NEGR1: variants seen among roughly 807,000 people sequenced by gnomAD.
The protein encoded by NEGR1 is IgLON family member 4.
NEGR1 carries 10 observed loss-of-function variants against 40.9 expected under a neutral mutation model. That is an observed-to-expected ratio of 0.24 (90% confidence interval 0.15 to 0.42). The LOEUF (loss-of-function observed/expected upper bound fraction) is 0.42. Ranked by LOEUF, NEGR1 falls within the 10% of genes least tolerant of loss-of-function variation. NEGR1 has a pLI of 1.00. For synonymous variants in NEGR1, 185 were observed against 166.8 expected (o/e 1.11, Z -0.84); for missense variants, 352 against 438.9 (o/e 0.80, Z 1.77).
intron 1 of NEGR1, among the ~76,000 whole-genome samples, chr1:72,128,896 A>C (rs867927861): frequency 3.9e-5 from 6 of 152,196 alleles, no homozygotes; most frequent in South Asian, 2.1e-4. Context: ...TAAATGGAAC[A>C]AAAAAGAGAA....
chr1:71,511,031 G>T (rs563250238), intron 6 of NEGR1, among the ~76,000 whole-genome samples: 58 of 152,266 alleles, frequency 3.8e-4, no homozygotes, highest in African/African-American at 1.3e-3. Context: ...CTAAGTCTAG[G>T]GCAGACTTCC....
intron 1 of NEGR1, among the ~76,000 whole-genome samples, chr1:72,240,547 C>T (rs1454367095): frequency 6.6e-6 from 1 of 151,732 alleles, no homozygotes; most frequent in Non-Finnish European, 1.5e-5. Context: ...TTGGCTACAC[C>T]AGTATGACCC....
At chr1:72,264,870 C>G (rs1655588819) in intron 1 of NEGR1, among the ~76,000 whole-genome samples, 1 of 150,024 alleles carries the variant, frequency 6.7e-6, no homozygotes, top group African/African-American at 2.4e-5. Context: ...AAATAATGTA[C>G]CAAAGTTTAA....
chr1:71,942,521 AGACGGAG>A (rs1645975335), intron 1 of NEGR1, among the ~76,000 whole-genome samples: 1 of 25,654 alleles, frequency 3.9e-5, no homozygotes, highest in Non-Finnish European at 7.1e-5. Context: ...TTTTTTTTTG[AGACGGAG>A]TCTCGCTCTG....
chr1:72,035,386 G>A (rs1398670409), intron 1 of NEGR1, among the ~76,000 whole-genome samples: 1 of 152,070 alleles, frequency 6.6e-6, no homozygotes, highest in Non-Finnish European at 1.5e-5. Context: ...CGTTTCAACC[G>A]GATTGGGATT....
chr1:72,133,296 T>C (rs1272791727), intron 1 of NEGR1, among the ~76,000 whole-genome samples: 1 of 152,130 alleles, frequency 6.6e-6, no homozygotes, highest in Non-Finnish European at 1.5e-5. Context: ...GGTGAATTGC[T>C]AAATTTACTT....
intron 2 of NEGR1, among the ~76,000 whole-genome samples, chr1:71,927,641 C>T (rs1159836431): frequency 6.6e-6 from 1 of 151,216 alleles, no homozygotes; most frequent in Admixed American, 6.6e-5. Flanking sequence ...TCATATAGTT[C>T]AACAGATTAA....
At position 71,710,081 on chromosome 1, in the gene NEGR1, C is replaced by T. The variant is rs562293109; in HGVS notation, c.536-11942G>A. 8.5e-4 allele frequency among the ~76,000 whole-genome samples: 130 copies of T among 152,274 alleles called. 3 individuals carry two copies. The highest frequency in any genetic ancestry group is 7.9e-3 in the Admixed American group (121 of 15,308). Reference sequence around the variant, plus strand: ...ATCTGATGAAAAAATAAGCAACATACTTGAATAGACATTTCTCAAAAGAAG... The same window carrying T: ...ATCTGATGAAAAAATAAGCAACATATTTGAATAGACATTTCTCAAAAGAAG... On this transcript the variant is annotated intron_variant, in intron 3 of 6. Coordinates refer to ENST00000357731, the MANE Select transcript of NEGR1 (RefSeq NM_173808.3).
At chr1:71,959,238 T>C (rs1303115790) in intron 1 of NEGR1, among the ~76,000 whole-genome samples, 1 of 152,120 alleles carries the variant, frequency 6.6e-6, no homozygotes, top group Non-Finnish European at 1.5e-5. Context: ...ATCCCTCCCT[T>C]GAATTCCAGA....
intron 1 of NEGR1, among the ~76,000 whole-genome samples, chr1:72,124,660 T>C (rs536440898): frequency 2.6e-4 from 40 of 152,066 alleles, no homozygotes; most frequent in Non-Finnish European, 5.4e-4. Flanking sequence ...ATCCACACTA[T>C]GTTAGGTTAA....
intron 1 of NEGR1, among the ~76,000 whole-genome samples, chr1:71,957,155 C>CA (rs141268717): frequency 0.023 from 3,490 of 152,000 alleles, 122 homozygotes; most frequent in African/African-American, 0.079. Context: ...TTCCATGGAG[C>CA]AAAAAAGATG....
intron 1 of NEGR1, among the ~76,000 whole-genome samples, chr1:72,200,998 C>A (rs1653185272): frequency 6.6e-6 from 1 of 151,754 alleles, no homozygotes; most frequent in Non-Finnish European, 1.5e-5. Context: ...TCCTTATATA[C>A]TATTATAAAA....
intron 3 of NEGR1, among the ~76,000 whole-genome samples, chr1:71,766,474 T>G (rs996628798): frequency 2.0e-5 from 3 of 152,190 alleles, no homozygotes; most frequent in African/African-American, 7.2e-5. Flanking sequence ...AGCCCAGTGT[T>G]GTGCTCACAT....
intron 1 of NEGR1, among the ~76,000 whole-genome samples, chr1:72,274,144 A>G (rs1434824414): frequency 6.6e-6 from 1 of 151,944 alleles, no homozygotes; most frequent in Non-Finnish European, 1.5e-5. Context: ...GAGATACAAA[A>G]GATGTGCTAC....
At chr1:71,590,514 G>A (rs144606356) in intron 6 of NEGR1, among the ~76,000 whole-genome samples, 118 of 151,942 alleles carry the variant, frequency 7.8e-4, no homozygotes, top group African/African-American at 2.8e-3. Context: ...ATCTAGTGCC[G>A]TGCTTTGCCG....
chr1:71,717,937 T>C (rs1363108894), intron 3 of NEGR1, among the ~76,000 whole-genome samples: 1 of 152,140 alleles, frequency 6.6e-6, no homozygotes, highest in Non-Finnish European at 1.5e-5. Flanking sequence ...CATTCTTCCC[T>C]CATAGCTCTC....
At chr1:72,193,658 A>G (rs989161577) in intron 1 of NEGR1, among the ~76,000 whole-genome samples, 1 of 150,696 alleles carries the variant, frequency 6.6e-6, no homozygotes, top group Non-Finnish European at 1.5e-5. Flanking sequence ...AAATATATAT[A>G]TTTTTCATAT....
intron 2 of NEGR1, among the ~76,000 whole-genome samples, chr1:71,840,658 C>T (rs1049432362): frequency 1.1e-4 from 17 of 152,070 alleles, no homozygotes; most frequent in African/African-American, 3.9e-4. Flanking sequence ...AAATGAACAT[C>T]TGGGAAACTT....
chr1:71,612,322 A>T (rs1288630767), intron 4 of NEGR1, among the ~76,000 whole-genome samples: 1 of 152,238 alleles, frequency 6.6e-6, no homozygotes, highest in Non-Finnish European at 1.5e-5. Flanking sequence ...GCAGGGTTAA[A>T]TATCTGATTC....
Sources: allele counts gnomAD v4.1 joint callset (sites outside exome capture counted in the v4.1 genomes callset), GRCh38; gene constraint gnomAD v4.1.1; transcripts MANE v1.5; gene names NCBI Gene and HGNC (gene_info 2026-07-23, HGNC 2026-07-21).